The following SAMD5 variants were observed in gnomAD, a reference collection of about 807,000 sequenced individuals.
SAMD5 encodes the protein sterile alpha motif domain-containing protein 5.
A neutral mutation model predicts 11.3 loss-of-function variants in SAMD5; 13 were observed. The observed-to-expected ratio is 1.15, with a 90% CI of 0.75 to 1.83. The LOEUF (loss-of-function observed/expected upper bound fraction) is 1.83. Among genes scored for constraint, SAMD5 ranks in the 40% most tolerant of loss-of-function variants. The probability of loss-of-function intolerance (pLI) is 0.00; values close to 1 mark genes in which losing one functional copy is unlikely to be tolerated. For synonymous variants in SAMD5, 129 were observed against 111.3 expected (o/e 1.16, Z -1.00); for missense variants, 255 against 239.1 (o/e 1.07, Z -0.44).
the SAMD5 span, among the ~76,000 whole-genome samples, chr6:147,791,473 G>A: frequency 7.9e-5 from 12 of 151,996 alleles, no homozygotes; most frequent in Non-Finnish European, 1.3e-4. Context: ...AGTGATATAC[G>A]TTTATACCTT....
chr6:147,591,705 G>C (rs1437474470), intron 1 of SAMD5, among the ~76,000 whole-genome samples: 1 of 152,078 alleles, frequency 6.6e-6, no homozygotes, highest in African/African-American at 2.4e-5. Flanking sequence ...TTTAGAAATA[G>C]GGGATTTTCA....
chr6:147,847,149 C>G, the SAMD5 span, among the ~76,000 whole-genome samples: 1 of 152,150 alleles, frequency 6.6e-6, no homozygotes, highest in Non-Finnish European at 1.5e-5. Context: ...GACAGCCTGC[C>G]TCTTTCCTCT....
the SAMD5 span, among the ~76,000 whole-genome samples, chr6:147,929,116 A>G: frequency 4.0e-3 from 613 of 152,234 alleles, 3 homozygotes; most frequent in African/African-American, 0.014. Flanking sequence ...CATTCAACAT[A>G]TGTGTCACAA....
At chr6:147,858,240 G>A in the SAMD5 span, among the ~76,000 whole-genome samples, 1 of 152,108 alleles carries the variant, frequency 6.6e-6, no homozygotes, top group African/African-American at 2.4e-5. Context: ...TATTGCCATT[G>A]GTCAGTTAGC....
chr6:147,872,476 C>A, the SAMD5 span, among the ~76,000 whole-genome samples: 620 of 152,264 alleles, frequency 4.1e-3, 3 homozygotes, highest in African/African-American at 0.014. Context: ...TAATTTGATC[C>A]TCATAGCATC....
the SAMD5 span, among the ~76,000 whole-genome samples, chr6:147,785,156 C>T: frequency 2.0e-5 from 3 of 152,106 alleles, no homozygotes; most frequent in Non-Finnish European, 4.4e-5. Flanking sequence ...TCTTTAAGCT[C>T]CCCACATACC....
the SAMD5 span, among the ~76,000 whole-genome samples, chr6:147,900,567 G>A: frequency 6.6e-6 from 1 of 152,196 alleles, no homozygotes; most frequent in Non-Finnish European, 1.5e-5. Flanking sequence ...TGCTTGGTCG[G>A]CAGCTCACCT....
At chr6:147,816,301 A>AAAAAAAAATATATAT in the SAMD5 span, among the ~76,000 whole-genome samples, 7 of 66,352 alleles carry the variant, frequency 1.1e-4, no homozygotes, top group African/African-American at 5.1e-4. Context: ...AAAAAAAAAA[A>AAAAAAAAATATATAT]ATATATATAT....
intron 1 of SAMD5, among the ~76,000 whole-genome samples, chr6:147,563,316 AGT>A (rs1290505778): frequency 2.0e-5 from 3 of 152,196 alleles, no homozygotes; most frequent in African/African-American, 7.2e-5. Context: ...TCTTTTAAAG[AGT>A]CTTGATGATG....
the SAMD5 span, among the ~76,000 whole-genome samples, chr6:147,799,823 C>T: frequency 6.6e-6 from 1 of 152,168 alleles, no homozygotes; most frequent in African/African-American, 2.4e-5. Flanking sequence ...TTCATTTCAT[C>T]TTCCACTGCT....
chr6:147,545,254 T>C (rs2128442438), intron 1 of SAMD5, among the ~76,000 whole-genome samples: 1 of 152,346 alleles, frequency 6.6e-6, no homozygotes, highest in South Asian at 2.1e-4. Context: ...TAGATAATAG[T>C]AAATTTGAAG....
rs1789056433 is a variant in SAMD5 at position 147,567,261 on chromosome 6, A to G, written c.*2805A>G. The G allele has an allele frequency of 1.0e-6, 1 of 985,212 alleles. No homozygotes were observed. The highest frequency in any genetic ancestry group is 1.7e-5 in the African/African-American group (1 of 57,254). The allele number at this position is 985,212 out of a possible 1,614,324, so 61.0% of individuals were successfully genotyped here. ...TGTGGGGAAAACTGAATTTATAGCA[A>G]CAAAGGATAGTAGTTTCTCAACTGG... On this transcript the variant is annotated 3_prime_UTR_variant, in exon 2 of 2. Transcript: ENST00000367474.
downstream of SAMD5, among the ~76,000 whole-genome samples, chr6:147,739,226 A>G (rs1338840845): frequency 6.6e-6 from 1 of 152,228 alleles, no homozygotes; most frequent in Non-Finnish European, 1.5e-5. Context: ...ACTCTGCGCT[A>G]CTAAAGCCCT....
At chr6:147,924,097 C>T in the SAMD5 span, among the ~76,000 whole-genome samples, 2 of 152,064 alleles carry the variant, frequency 1.3e-5, no homozygotes, top group African/African-American at 4.8e-5. Flanking sequence ...TGGTTACTTC[C>T]TGCACTCATG....
chr6:147,880,395 A>G, the SAMD5 span, among the ~76,000 whole-genome samples: 1 of 151,900 alleles, frequency 6.6e-6, no homozygotes, highest in Non-Finnish European at 1.5e-5. Flanking sequence ...ACACACAAAC[A>G]CAGATGACCT....
At chr6:147,742,472 T>A (rs183479587), downstream of SAMD5, among the ~76,000 whole-genome samples, 7 of 152,388 alleles carry the variant, frequency 4.6e-5, no homozygotes, top group African/African-American at 1.4e-4. Context: ...CGTACCATGC[T>A]GTTTCTGTGA....
At chr6:147,580,849 A>T (rs1789287759) in intron 1 of SAMD5, among the ~76,000 whole-genome samples, 1 of 151,404 alleles carries the variant, frequency 6.6e-6, no homozygotes, top group South Asian at 2.1e-4. Context: ...TAGTTCTAGG[A>T]GCAGGAAAGT....
intron 1 of SAMD5, among the ~76,000 whole-genome samples, chr6:147,665,257 A>G (rs73010155): frequency 0.042 from 6,384 of 152,280 alleles, 152 homozygotes; most frequent in South Asian, 0.054. Flanking sequence ...CTTTTCATAT[A>G]TATCAGTCAA....
At chr6:147,692,676 A>T (rs1013807207) in intron 1 of SAMD5, among the ~76,000 whole-genome samples, 1 of 152,216 alleles carries the variant, frequency 6.6e-6, no homozygotes, top group Non-Finnish European at 1.5e-5. Flanking sequence ...GGCCAGTGAC[A>T]CAAGTGTGGT....
Sources: gnomAD v4.1 joint callset for allele counts (sites outside exome capture counted in the v4.1 genomes callset) on GRCh38, gnomAD v4.1.1 for gene constraint, MANE v1.5 for transcripts, NCBI Gene and HGNC (gene_info 2026-07-23, HGNC 2026-07-21) for gene names.